Variants in FAM168A observed in about 807,000 individuals in gnomAD.
FAM168A encodes family with sequence similarity 168 member A.
Under a neutral mutation model 28.5 loss-of-function variants are expected in FAM168A, and 3 were observed. The ratio of observed to expected loss-of-function variants is 0.11; its 90% CI spans 0.05 to 0.27. FAM168A has a LOEUF of 0.27. Ranked by LOEUF, FAM168A falls within the 10% of genes least tolerant of loss-of-function variation. The probability of loss-of-function intolerance (pLI) is 1.00; values close to 1 mark genes in which losing one functional copy is unlikely to be tolerated. For missense variants in FAM168A, 222 were observed against 311.5 expected (o/e 0.71, Z 2.16); for synonymous variants, 122 against 124.2 (o/e 0.98, Z 0.12).
At chr11:73,593,727 A>G (rs1490347867) in intron 1 of FAM168A, among the ~76,000 whole-genome samples, 1 of 152,204 alleles carries the variant, frequency 6.6e-6, no homozygotes, top group Admixed American at 6.5e-5. Flanking sequence ...GTGTACTATA[A>G]AACATATTGT....
rs1866469981 is a variant in FAM168A at position 73,404,596 on chromosome 11, C to A, written c.*2167G>T. On this transcript the variant is annotated 3_prime_UTR_variant, in exon 8 of 8. Transcript: ENST00000356467. The stretch of plus-strand genomic sequence containing the variant: ...AACTTTCTATTGTTTTAAAGTGAAA[C>A]CTCATCAGCACCCAGAACAGATAAT... 1 of 152,192 alleles carries A rather than the reference C, an allele frequency of 6.6e-6. No homozygotes were observed. The highest frequency in any genetic ancestry group is 6.5e-5 in the Admixed American group (1 of 15,290). 9.4% of individuals were successfully genotyped at this position (152,192 alleles called of 1,614,324 possible).
chr11:73,502,526 C>A (rs929509404), intron 1 of FAM168A, among the ~76,000 whole-genome samples: 4 of 152,064 alleles, frequency 2.6e-5, no homozygotes, highest in Non-Finnish European at 2.9e-5. Context: ...AAAAAAAGTC[C>A]AGGACCACAC....
intron 1 of FAM168A, among the ~76,000 whole-genome samples, chr11:73,468,963 G>A (rs937638248): frequency 7.2e-5 from 11 of 152,194 alleles, no homozygotes; most frequent in Admixed American, 3.3e-4. Context: ...GTCTGGTGAC[G>A]AGCAAACAGA....
intron 1 of FAM168A, among the ~76,000 whole-genome samples, chr11:73,554,944 T>C (rs2134696667): frequency 6.6e-6 from 1 of 152,242 alleles, no homozygotes; most frequent in Non-Finnish European, 1.5e-5. Flanking sequence ...ATGGAACCTG[T>C]CAATTACCAT....
At chr11:73,407,675 C>T (rs1371424437) in intron 6 of FAM168A, 32 bp from the exon 7 acceptor site, 16 of 1,556,274 alleles carry the variant, frequency 1.0e-5, no homozygotes, top group Middle Eastern at 1.7e-4. Context: ...AGTAACCTGA[C>T]GAGGCTGCAC....
At chr11:73,460,642 T>C (rs1401301704) in intron 2 of FAM168A, among the ~76,000 whole-genome samples, 3 of 151,876 alleles carry the variant, frequency 2.0e-5, no homozygotes, top group South Asian at 2.1e-4. Context: ...TAGCTAGGAC[T>C]ACAGGAATGT....
At chr11:73,536,703 T>G (rs1301070675) in intron 1 of FAM168A, among the ~76,000 whole-genome samples, 1 of 151,914 alleles carries the variant, frequency 6.6e-6, no homozygotes, top group African/African-American at 2.4e-5. Flanking sequence ...ATAATAATAA[T>G]AATAGGCCTC....
chr11:73,520,362 T>C (rs1943360393), intron 1 of FAM168A, among the ~76,000 whole-genome samples: 1 of 152,144 alleles, frequency 6.6e-6, no homozygotes, highest in Non-Finnish European at 1.5e-5. Flanking sequence ...TTTATTATTG[T>C]TTTAAAGCTA....
intron 5 of FAM168A, chr11:73,410,820 G>A (rs1312364204): frequency 6.6e-6 from 1 of 152,378 alleles, no homozygotes; most frequent in African/African-American, 2.4e-5. Context: ...GCCCCATATG[G>A]TCCCCTCTCT....
At chr11:73,438,118 G>GTCATCATCA (rs923933671) in intron 2 of FAM168A, among the ~76,000 whole-genome samples, 1 of 151,840 alleles carries the variant, frequency 6.6e-6, no homozygotes, top group Non-Finnish European at 1.5e-5. Context: ...CATCATCATC[G>GTCATCATCA]TCATCATCAT....
At chr11:73,530,348 G>T (rs1183196913) in intron 1 of FAM168A, among the ~76,000 whole-genome samples, 2 of 152,180 alleles carry the variant, frequency 1.3e-5, no homozygotes, top group African/African-American at 2.4e-5. Flanking sequence ...TGGCTATTAG[G>T]TTCTGCCGAT....
chr11:73,407,548 C>T lies in FAM168A; in HGVS notation c.691G>A (p.Val231Met), dbSNP rs752569750. 28 of 1,594,294 alleles carry T rather than the reference C, an allele frequency of 1.8e-5. No individual in the cohort carries two copies. Among genetic ancestry groups the T allele is most frequent in the African/African-American group, 8.2e-5 (6 of 73,376 alleles). Residue 231 changes from valine (V) to methionine (M), a missense_variant, in exon 7 of 8, where the codon GTG becomes ATG. This residue lies in a region of FAM168A where 64 missense variants were observed against 94.6 expected (regional missense o/e 0.68). Transcript: ENST00000356467. ...TGCAGGCTTTACCAGTGTGGGGGCA[C>T]GTAGCTGTACGCAGGGGTTCCTTGG... is the stretch of plus-strand genomic sequence containing the variant. Reference protein sequence around the residue: ...RAQGTPAYSYVPPHW With the variant: ...RAQGTPAYSYMPPHW
chr11:73,497,964 T>C (rs1459257325), intron 1 of FAM168A, among the ~76,000 whole-genome samples: 1 of 152,108 alleles, frequency 6.6e-6, no homozygotes, highest in African/African-American at 2.4e-5. Context: ...TTGATATGCA[T>C]TCATTCATTT....
chr11:73,582,312 G>C (rs994041225), intron 1 of FAM168A, among the ~76,000 whole-genome samples: 3 of 151,878 alleles, frequency 2.0e-5, no homozygotes, highest in African/African-American at 7.3e-5. Context: ...ACGAGGTCAG[G>C]AGATCGATAC....
At chr11:73,596,475 C>T (rs561954655) in intron 1 of FAM168A, among the ~76,000 whole-genome samples, 2 of 152,236 alleles carry the variant, frequency 1.3e-5, no homozygotes, top group South Asian at 2.1e-4. Context: ...TTCAACTTTA[C>T]CCTTTGGGCT....
intron 1 of FAM168A, among the ~76,000 whole-genome samples, chr11:73,514,678 A>G (rs555100199): frequency 6.6e-6 from 1 of 152,264 alleles, no homozygotes; most frequent in African/African-American, 2.4e-5. Flanking sequence ...ACAAAAATAC[A>G]AAAAATTAAC....
At chr11:73,487,227 C>G (rs907660710) in intron 1 of FAM168A, among the ~76,000 whole-genome samples, 2 of 152,126 alleles carry the variant, frequency 1.3e-5, no homozygotes, top group South Asian at 4.1e-4. Flanking sequence ...CCACTGTATT[C>G]TCTGGAACTC....
At chr11:73,532,095 G>A (rs1943521264) in intron 1 of FAM168A, among the ~76,000 whole-genome samples, 1 of 150,696 alleles carries the variant, frequency 6.6e-6, no homozygotes. Context: ...TCACAGGCAT[G>A]AGCCACCATG....
At chr11:73,474,823 A>G (rs1867865370) in intron 1 of FAM168A, among the ~76,000 whole-genome samples, 1 of 152,202 alleles carries the variant, frequency 6.6e-6, no homozygotes, top group African/African-American at 2.4e-5. Flanking sequence ...TCTCCAAAAT[A>G]AAACTGTGAA....
Sources: allele counts gnomAD v4.1 joint callset (sites outside exome capture counted in the v4.1 genomes callset), GRCh38; gene constraint gnomAD v4.1.1; regional missense constraint gnomAD v4.1.1; transcripts MANE v1.5; gene names NCBI Gene and HGNC (gene_info 2026-07-23, HGNC 2026-07-21).